ELP1: variants seen among roughly 807,000 people sequenced by gnomAD.
The protein encoded by ELP1 is elongator complex protein 1.
ELP1 carries 131 observed loss-of-function variants against 183.2 expected under a neutral mutation model. The observed-to-expected ratio is 0.72, with a 90% CI of 0.62 to 0.83. The LOEUF (loss-of-function observed/expected upper bound fraction) is 0.83. Ranked by LOEUF, ELP1 falls within the 40% of genes least tolerant of loss-of-function variation. ELP1 has a pLI of 0.00. For synonymous variants in ELP1, 555 were observed against 569.0 expected (o/e 0.98, Z 0.35); for missense variants, 1,550 against 1,594.9 (o/e 0.97, Z 0.48).
In ELP1 at chr9:108,894,066, C is replaced by A. The variant is rs1828447179; in HGVS notation, c.2737G>T (p.Asp913Tyr). The A allele has an allele frequency of 6.8e-7, 1 of 1,467,856 alleles. No individual in the cohort carries two copies. Among genetic ancestry groups the A allele is most frequent in the African/African-American group, 1.4e-5 (1 of 71,638 alleles). The allele number at this position is 1,467,856 out of a possible 1,614,324, so 90.9% of individuals were successfully genotyped here. Reference sequence around the variant, plus strand: ...AGAAATGGAAGATATTCTTTGGGATCCTAAAAAAATGATTAATGAGAACTT... The same window carrying A: ...AGAAATGGAAGATATTCTTTGGGATACTAAAAAAATGATTAATGAGAACTT... ...VLMVAEKSQKDPKEYLPFLNT... is the reference protein window; with the variant it reads ...VLMVAEKSQKYPKEYLPFLNT... Residue 913 changes from aspartate to tyrosine, a missense_variant and splice_region_variant, in exon 26 of 37, where the codon GAT (aspartate) becomes TAT (tyrosine). Physicochemically the swap from Asp to Tyr is radical, Grantham distance 160. Transcript: ENST00000374647.
Position 108,931,068 on chromosome 9 carries a change from G to T in ELP1, c.79C>A (p.Arg27=), listed in dbSNP as rs868073099. Residue 27 remains arginine (R), a synonymous_variant, in exon 2 of 37, where the codon CGA becomes AGA. Coordinates refer to ENST00000374647, the MANE Select transcript of ELP1 (RefSeq NM_003640.5). ...GPGNPQCFSL[R]TEQGTVLIGS... is the part of the protein sequence containing the mutation. ...ATGAGCACCGTCCCCTGTTCAGTTC[G>T]GAGAGAGAAGCACTGAGGATTCCCT... 1 of 1,614,000 alleles carries T rather than the reference G, an allele frequency of 6.2e-7. No individual in the cohort carries two copies. The highest frequency in any genetic ancestry group is 8.5e-7 in the Non-Finnish European group (1 of 1,179,916).
At position 108,906,296 on chromosome 9, in the gene ELP1, G is replaced by A. The variant is rs1231114175; in HGVS notation, c.1643+7C>T. The A allele has an allele frequency of 1.2e-6, 2 of 1,613,666 alleles. No homozygotes were observed. The highest frequency in any genetic ancestry group is 1.7e-6 in the Non-Finnish European group (2 of 1,179,650). On this transcript the variant is annotated splice_region_variant and intron_variant, in intron 14 of 36. Transcript: ENST00000374647. ...AACATGTGGAGTACAGGGAAAAACTGCAATACCTGACATTGAGCTGTCCAT... is the reference window on the plus strand; with the variant it reads ...AACATGTGGAGTACAGGGAAAAACTACAATACCTGACATTGAGCTGTCCAT...
chr9:108,910,424 C>T (rs760476793), intron 12 of ELP1, among the ~76,000 whole-genome samples: 1 of 152,178 alleles, frequency 6.6e-6, no homozygotes, highest in African/African-American at 2.4e-5. Flanking sequence ...CATATGCCAG[C>T]AGAATTTATG....
At chr9:108,921,492 C>G (rs953453555) in intron 6 of ELP1, among the ~76,000 whole-genome samples, 1 of 151,866 alleles carries the variant, frequency 6.6e-6, no homozygotes, top group Non-Finnish European at 1.5e-5. Flanking sequence ...CCATAATTTA[C>G]TTGTTGCTTA....
At chr9:108,932,365 G>A (rs982898868) in intron 1 of ELP1, among the ~76,000 whole-genome samples, 11 of 151,202 alleles carry the variant, frequency 7.3e-5, no homozygotes, top group African/African-American at 2.7e-4. Context: ...TTTTGAGACG[G>A]AGTTTCGCTC....
At chr9:108,906,812 T>C (rs1434101321) in intron 13 of ELP1, among the ~76,000 whole-genome samples, 1 of 152,222 alleles carries the variant, frequency 6.6e-6, no homozygotes, top group Non-Finnish European at 1.5e-5. Flanking sequence ...CTGCCATGAC[T>C]TACCAGCATT....
intron 3 of ELP1, 103 bp from the exon 4 acceptor site, chr9:108,927,556 A>C: frequency 4.6e-6 from 4 of 875,008 alleles, no homozygotes; most frequent in Non-Finnish European, 5.8e-6. Context: ...ACGAAAAGAC[A>C]TCAGTATATG....
chr9:108,896,188 T>C lies in ELP1; in HGVS notation c.2736+308A>G, dbSNP rs4978758. On this transcript the variant is annotated intron_variant, in intron 25 of 36. Coordinates refer to ENST00000374647, the MANE Select transcript of ELP1 (RefSeq NM_003640.5). The stretch of plus-strand genomic sequence containing the variant: ...AGGAGAATGGCGTGAACACGGGAGG[T>C]GGAACTTGCAGTAAGCCGAGATCGC... Among the ~76,000 whole-genome samples, 40,434 of 151,304 alleles carry C rather than the reference T, an allele frequency of 0.27. 6,384 individuals are homozygous for C. Among genetic ancestry groups the C allele is most frequent in the African/African-American group, 0.44 (18,076 of 41,192 alleles).
chr9:108,928,003 T>C lies in ELP1; in HGVS notation c.304-550A>G, dbSNP rs1476889522. 2.6e-5 allele frequency among the ~76,000 whole-genome samples: 4 copies of C among 152,278 alleles called. No individual in the cohort carries two copies. The East Asian group carries it at 7.7e-4, about 29-fold the overall frequency. Reference sequence around the variant, plus strand: ...CAAGGTAACTACAGTCAACAGTAATTGCACATTTTAAAATAACTAAAAGAC... The same window carrying C: ...CAAGGTAACTACAGTCAACAGTAATCGCACATTTTAAAATAACTAAAAGAC... On this transcript the variant is annotated intron_variant, in intron 3 of 36. Coordinates refer to ENST00000374647, the MANE Select transcript of ELP1 (RefSeq NM_003640.5).
At chr9:108,873,900 T>G (rs1587866574) in intron 36 of ELP1, among the ~76,000 whole-genome samples, 1 of 149,992 alleles carries the variant, frequency 6.7e-6, no homozygotes, top group Non-Finnish European at 1.5e-5. Flanking sequence ...AAGGAATAAG[T>G]GGATATGTCG....
intron 36 of ELP1, among the ~76,000 whole-genome samples, chr9:108,873,931 T>C (rs1037404815): frequency 1.3e-5 from 2 of 152,044 alleles, no homozygotes; most frequent in African/African-American, 4.8e-5. Context: ...CAAAAGAACC[T>C]TGCCATTCTC....
intron 5 of ELP1, among the ~76,000 whole-genome samples, chr9:108,924,964 G>A (rs1829780946): frequency 6.6e-6 from 1 of 152,162 alleles, no homozygotes; most frequent in Non-Finnish European, 1.5e-5. Context: ...TAGGGCAGAA[G>A]GGGAATCATG....
rs1363075563 is a variant in ELP1, at chr9:108,883,511, CTT to C, written c.3223-1326_3223-1325del. On this transcript the variant is annotated intron_variant, in intron 29 of 36. Coordinates refer to ENST00000374647, the MANE Select transcript of ELP1 (RefSeq NM_003640.5). ...TAGCTCTTAAATTTTTGTTGATCCACTTTGAGTGGCCAGCAGTTTTTGAAAAC... is the reference window on the plus strand; with the variant it reads ...TAGCTCTTAAATTTTTGTTGATCCACTGAGTGGCCAGCAGTTTTTGAAAAC... 2.0e-5 allele frequency among the ~76,000 whole-genome samples: 3 copies of C among 149,742 alleles called. No homozygotes were observed. The East Asian group carries it at 5.9e-4, about 29-fold the overall frequency.
At chr9:108,899,396 G>T (rs1198249306) in intron 20 of ELP1, among the ~76,000 whole-genome samples, 1 of 152,008 alleles carries the variant, frequency 6.6e-6, no homozygotes, top group African/African-American at 2.4e-5. Flanking sequence ...CTCCAAATAG[G>T]TTCAGAAAAT....
chr9:108,906,987 T>G (rs926596612), intron 13 of ELP1, among the ~76,000 whole-genome samples: 1 of 152,164 alleles, frequency 6.6e-6, no homozygotes, highest in Non-Finnish European at 1.5e-5. Flanking sequence ...TCACCTCACG[T>G]AGGAACCGAC....
chr9:108,906,304 T>C lies in ELP1; in HGVS notation c.1642A>G (p.Ser548Gly), dbSNP rs1829015512. 6.2e-7 allele frequency: 1 copy of C among 1,613,878 alleles called. No homozygotes were observed. Among genetic ancestry groups the C allele is most frequent in the Non-Finnish European group, 8.5e-7 (1 of 1,179,808 alleles). The change falls in exon 14 of 37, where the codon AGT (serine) becomes GGT (glycine). Residue 548 changes from serine to glycine, a missense_variant and splice_region_variant. Physicochemically the swap from Ser to Gly is moderately conservative, Grantham distance 56. Coordinates refer to ENST00000374647, the MANE Select transcript of ELP1 (RefSeq NM_003640.5). ...GAGTACAGGGAAAAACTGCAATACC[T>C]GACATTGAGCTGTCCATGCTCTTCA... ...MDEEHGQLNV[S>G]SSAAVDGVII...
At chr9:108,903,089 T>G (rs992488795) in intron 15 of ELP1, 147 bp from the exon 16 acceptor site, 3 of 464,152 alleles carry the variant, frequency 6.5e-6, no homozygotes, top group Non-Finnish European at 1.1e-5. Context: ...ATATATATTT[T>G]TATTATACTT....
intron 32 of ELP1, 107 bp from the exon 33 acceptor site, chr9:108,879,664 G>T (rs1405217268): frequency 3.9e-6 from 3 of 770,816 alleles, no homozygotes; most frequent in Non-Finnish European, 7.0e-6. Context: ...CATATCAAAG[G>T]ATGGATGAAA....
At chr9:108,914,420 G>C (rs1269304578) in intron 10 of ELP1, among the ~76,000 whole-genome samples, 6 of 140,330 alleles carry the variant, frequency 4.3e-5, no homozygotes, top group African/African-American at 1.1e-4. Context: ...AAAAGGGGGG[G>C]GGGGTTCTAC....
Sources: gnomAD v4.1 joint callset for allele counts (sites outside exome capture counted in the v4.1 genomes callset) on GRCh38, gnomAD v4.1.1 for gene constraint, MANE v1.5 for transcripts, NCBI Gene and HGNC (gene_info 2026-07-23, HGNC 2026-07-21) for gene names.